The following ABCA12 variants were observed in gnomAD, a reference collection of about 807,000 sequenced individuals.
The protein encoded by ABCA12 is ATP binding cassette subfamily A member 12.
In ABCA12, 156 loss-of-function variants were observed where a neutral mutation model predicts 293.5. The ratio of observed to expected loss-of-function variants is 0.53; its 90% CI spans 0.47 to 0.61. ABCA12 has a LOEUF of 0.61. Ranked by LOEUF, ABCA12 falls within the 20% of genes least tolerant of loss-of-function variation. The pLI, the probability that ABCA12 is intolerant of heterozygous loss-of-function variation, is 0.00. For synonymous variants in ABCA12, 1,063 were observed against 1,108.0 expected (o/e 0.96, Z 0.81); for missense variants, 2,797 against 3,090.2 (o/e 0.91, Z 2.25).
intron 2 of ABCA12, among the ~76,000 whole-genome samples, chr2:215,069,047 C>T (rs1701686594): frequency 6.6e-6 from 1 of 152,280 alleles, no homozygotes; most frequent in South Asian, 2.1e-4. Flanking sequence ...GAATCGGACA[C>T]TTGCCACTGT....
intron 24 of ABCA12, among the ~76,000 whole-genome samples, chr2:214,989,865 A>C (rs891900508): frequency 6.6e-6 from 1 of 152,212 alleles, no homozygotes; most frequent in Non-Finnish European, 1.5e-5. Flanking sequence ...TAAAAAATCA[A>C]AATATACATT....
At chr2:214,933,619 GT>G (rs35691628) in intron 52 of ABCA12, among the ~76,000 whole-genome samples, 78,909 of 151,946 alleles carry the variant, frequency 0.52, 21,673 homozygotes, top group African/African-American at 0.72. Flanking sequence ...GATGATGTAC[GT>G]TGAACGGAAA....
chr2:215,079,733 G>A lies in ABCA12; in HGVS notation c.164-15514C>T, dbSNP rs1229588384. Among the ~76,000 whole-genome samples the A allele has an allele frequency of 2.0e-5, 3 of 152,186 alleles. No individual in the cohort carries two copies. The East Asian group carries it at 5.8e-4, about 29-fold the overall frequency. ...CAGACTCTTTTAATTTTTCCTTTTG[G>A]TGAGGTTGTACAGTTTTTAATCTTG... On this transcript the variant is annotated intron_variant, in intron 2 of 52. Coordinates refer to ENST00000272895, the MANE Select transcript of ABCA12 (RefSeq NM_173076.3).
intron 7 of ABCA12, among the ~76,000 whole-genome samples, chr2:215,037,334 C>T (rs1701014898): frequency 6.6e-6 from 1 of 152,110 alleles, no homozygotes. Flanking sequence ...AGGTTCCCAT[C>T]AATTTTTTTC....
chr2:214,991,939 G>C (rs1423856763), intron 23 of ABCA12, among the ~76,000 whole-genome samples: 1 of 152,100 alleles, frequency 6.6e-6, no homozygotes, highest in Non-Finnish European at 1.5e-5. Context: ...GTAGATGACA[G>C]GTTGATGAGT....
intron 7 of ABCA12, chr2:215,039,160 G>C (rs1575003260): frequency 6.6e-6 from 1 of 151,992 alleles, no homozygotes; most frequent in East Asian, 1.9e-4. Context: ...GCTGATTTCT[G>C]CTTATTACTG....
chr2:214,969,302 A>G (rs1699334869), intron 37 of ABCA12, among the ~76,000 whole-genome samples: 2 of 152,008 alleles, frequency 1.3e-5, no homozygotes, highest in Non-Finnish European at 1.5e-5. Flanking sequence ...GGTCTTGTCA[A>G]TTCATGTCAA....
At chr2:214,975,239 C>T (rs1405405848) in intron 34 of ABCA12, among the ~76,000 whole-genome samples, 1 of 152,186 alleles carries the variant, frequency 6.6e-6, no homozygotes, top group Non-Finnish European at 1.5e-5. Context: ...TCTAGGATTA[C>T]AGGCGTGAGC....
chr2:215,131,712 T>TGG (rs1559211956), intron 1 of ABCA12, among the ~76,000 whole-genome samples: 1 of 149,354 alleles, frequency 6.7e-6, no homozygotes, highest in Non-Finnish European at 1.5e-5. Context: ...GTTTTTTTTT[T>TGG]TTTTTTTTTT....
At chr2:215,067,806 T>A (rs1170507595) in intron 2 of ABCA12, among the ~76,000 whole-genome samples, 1 of 152,140 alleles carries the variant, frequency 6.6e-6, no homozygotes, top group African/African-American at 2.4e-5. Flanking sequence ...ACAGTCCACG[T>A]TATTTCAAGG....
intron 2 of ABCA12, chr2:215,082,910 A>G (rs1701970856): frequency 6.6e-6 from 1 of 152,240 alleles, no homozygotes; most frequent in South Asian, 2.1e-4. Flanking sequence ...TCACATAACC[A>G]TGGAAGATAA....
intron 8 of ABCA12, among the ~76,000 whole-genome samples, chr2:215,033,719 A>T (rs546148706): frequency 2.9e-4 from 44 of 152,252 alleles, no homozygotes; most frequent in African/African-American, 9.9e-4. Flanking sequence ...AGGTGGGCAC[A>T]TCACGAGGTC....
chr2:214,937,605 C>T lies in ABCA12; in HGVS notation c.7447G>A (p.Gly2483Arg). The T allele has an allele frequency of 6.2e-7, 1 of 1,613,530 alleles. No individual in the cohort carries two copies. Among genetic ancestry groups the T allele is most frequent in the Non-Finnish European group, 8.5e-7 (1 of 1,179,624 alleles). The change falls in exon 51 of 53, where the codon GGA becomes AGA. Residue 2483 changes from glycine to arginine, a missense_variant. Physicochemically the swap from Gly to Arg is moderately radical, Grantham distance 125. Around this residue, in one of 3 missense-constraint regions of ABCA12, gnomAD observed 2,130 missense variants for 2,427.0 expected, o/e 0.88. Coordinates refer to ENST00000272895, the MANE Select transcript of ABCA12 (RefSeq NM_173076.3). ...LQHIKSRFGR[G>R]FTVKVHLKNN... ...TTCAAGTGAACTTTGACAGTAAATC[C>T]TCGTCCAAACCTAGAAAGAAAAAGT...
At chr2:215,110,984 G>A (rs1274828326) in intron 2 of ABCA12, among the ~76,000 whole-genome samples, 2 of 152,200 alleles carry the variant, frequency 1.3e-5, no homozygotes, top group African/African-American at 4.8e-5. Context: ...ATCCCCCTCA[G>A]TTCTGAGGAC....
intron 36 of ABCA12, among the ~76,000 whole-genome samples, chr2:214,973,073 C>T (rs1244289782): frequency 6.6e-6 from 1 of 152,112 alleles, no homozygotes; most frequent in East Asian, 1.9e-4. Context: ...AATCCACCAG[C>T]CTCAGCCTCC....
In ABCA12 at chr2:215,026,940, T is replaced by C. The variant is rs762426127; in HGVS notation, c.1062-2A>G. 3 of 1,550,236 alleles carry C rather than the reference T, an allele frequency of 1.9e-6. No individual in the cohort carries two copies. The highest frequency in any genetic ancestry group is 1.7e-5 in the Admixed American group (1 of 59,924). On this transcript the variant is annotated splice_acceptor_variant, in intron 9 of 52. Coordinates refer to ENST00000272895, the MANE Select transcript of ABCA12 (RefSeq NM_173076.3). LOFTEE classifies it high-confidence loss of function. ...TCAAAGTTTTCCAGAATTAGGAGCC[T>C]GCAGAATTAGAAAAGAATATAGAAA...
intron 31 of ABCA12, among the ~76,000 whole-genome samples, chr2:214,979,940 C>T (rs577233709): frequency 1.3e-5 from 2 of 152,292 alleles, no homozygotes; most frequent in African/African-American, 2.4e-5. Context: ...GGATCTTTAG[C>T]GAGCATTTTT....
At chr2:215,129,597 T>A (rs1309101043) in intron 1 of ABCA12, among the ~76,000 whole-genome samples, 1 of 151,108 alleles carries the variant, frequency 6.6e-6, no homozygotes. Context: ...TTTCTGTTGA[T>A]TTGTTTGAGT....
intron 28 of ABCA12, among the ~76,000 whole-genome samples, 198 bp from the exon 29 acceptor site, chr2:214,984,063 T>A (rs1352392716): frequency 6.8e-6 from 1 of 147,398 alleles, no homozygotes; most frequent in East Asian, 2.0e-4. Context: ...ATTACATAAA[T>A]GCTAAATGAT....
Sources: allele counts gnomAD v4.1 joint callset (sites outside exome capture counted in the v4.1 genomes callset), GRCh38; gene constraint gnomAD v4.1.1; regional missense constraint gnomAD v4.1.1; transcripts MANE v1.5; gene names NCBI Gene and HGNC (gene_info 2026-07-23, HGNC 2026-07-21).